The following SULT1E1 variants were observed in gnomAD, a reference collection of about 807,000 sequenced individuals.
SULT1E1 encodes the protein sulfotransferase family 1E member 1, also known as sulfotransferase 1E1.
In SULT1E1, 36 loss-of-function variants were observed where a neutral mutation model predicts 33.6. The ratio of observed to expected loss-of-function variants is 1.07; its 90% confidence interval spans 0.82 to 1.41. SULT1E1 has a LOEUF of 1.41. Among genes scored for constraint, SULT1E1 ranks in the 40% most tolerant of loss-of-function variants. SULT1E1 has a pLI of 0.00. For missense variants in SULT1E1, 371 were observed against 345.7 expected (o/e 1.07, Z -0.58); for synonymous variants, 121 against 111.7 (o/e 1.08, Z -0.53).
downstream of SULT1E1, chr4:69,838,535 T>A (rs1385781671): frequency 2.6e-5 from 4 of 152,212 alleles, no homozygotes; most frequent in African/African-American, 9.7e-5. Context: ...AGGTCTTTTA[T>A]GACGCTGTAC....
At chr4:69,849,788 C>T (rs764101720) in intron 4 of SULT1E1, among the ~76,000 whole-genome samples, 4 of 151,846 alleles carry the variant, frequency 2.6e-5, no homozygotes, top group African/African-American at 4.8e-5. Flanking sequence ...AACAGAACAA[C>T]ATTATTATGC....
Position 69,855,300 on chromosome 4 carries a change from C to T in SULT1E1, c.271+1G>A. The T allele has an allele frequency of 6.2e-7, 1 of 1,610,602 alleles. No individual in the cohort carries two copies. On this transcript the variant is annotated splice_donor_variant, in intron 3 of 7. Coordinates refer to ENST00000226444, the MANE Select transcript of SULT1E1 (RefSeq NM_005420.3). LOFTEE classifies it high-confidence loss of function. ...GTTTTTAAAATCAACTTGAACGTTA[C>T]CATTCATGAGGTTTTCTTTTCTGCA...
At chr4:69,822,794 C>G in the SULT1E1 span, among the ~76,000 whole-genome samples, 1 of 152,050 alleles carries the variant, frequency 6.6e-6, no homozygotes, top group Non-Finnish European at 1.5e-5. Flanking sequence ...TAGCTTTCCC[C>G]CTCGACCGTT....
At chr4:69,831,164 T>A in the SULT1E1 span, among the ~76,000 whole-genome samples, 1 of 152,144 alleles carries the variant, frequency 6.6e-6, no homozygotes, top group Non-Finnish European at 1.5e-5. Flanking sequence ...AAGCAGTTGG[T>A]CTTGGTAAAG....
At chr4:69,857,997 A>G (rs1721283276) in intron 1 of SULT1E1, among the ~76,000 whole-genome samples, 4 of 152,272 alleles carry the variant, frequency 2.6e-5, no homozygotes, top group African/African-American at 9.6e-5. Context: ...GGGGCATATA[A>G]AAAGACAAAG....
chr4:69,822,723 T>TTACATGG, the SULT1E1 span, among the ~76,000 whole-genome samples: 1 of 152,198 alleles, frequency 6.6e-6, no homozygotes, highest in African/African-American at 2.4e-5. Context: ...GGTCACTTAA[T>TTACATGG]TACATGGTTT....
At chr4:69,837,341 G>C (rs907487445), downstream of SULT1E1, among the ~76,000 whole-genome samples, 1 of 151,936 alleles carries the variant, frequency 6.6e-6, no homozygotes, top group South Asian at 2.1e-4. Context: ...CTGACACATA[G>C]CAATGATCAA....
downstream of SULT1E1, among the ~76,000 whole-genome samples, chr4:69,839,798 A>G (rs1312957813): frequency 6.6e-6 from 1 of 152,200 alleles, no homozygotes; most frequent in Non-Finnish European, 1.5e-5. Flanking sequence ...TGAAGTTTCT[A>G]CGTGAAATTG....
chr4:69,847,563 T>A (rs1204339976), intron 6 of SULT1E1, 135 bp downstream of exon 6: 6 of 504,748 alleles, frequency 1.2e-5, no homozygotes, highest in Non-Finnish European at 1.8e-5. Flanking sequence ...TCTGTATTAT[T>A]TTGGTCCTTT....
the SULT1E1 span, among the ~76,000 whole-genome samples, chr4:69,827,940 C>A: frequency 6.6e-6 from 1 of 152,158 alleles, no homozygotes; most frequent in African/African-American, 2.4e-5. Flanking sequence ...CTATGCCAAC[C>A]CCTCATTCAT....
At chr4:69,826,200 C>T in the SULT1E1 span, among the ~76,000 whole-genome samples, 1 of 152,102 alleles carries the variant, frequency 6.6e-6, no homozygotes, top group African/African-American at 2.4e-5. Flanking sequence ...AGGGTATGGC[C>T]CTCCACTTCA....
At chr4:69,826,510 G>A in the SULT1E1 span, among the ~76,000 whole-genome samples, 9 of 152,026 alleles carry the variant, frequency 5.9e-5, no homozygotes, top group Non-Finnish European at 7.4e-5. Context: ...GGACTGTTGC[G>A]GGTTCTTGGG....
At chr4:69,838,990 G>T (rs557958498), downstream of SULT1E1, among the ~76,000 whole-genome samples, 9 of 152,192 alleles carry the variant, frequency 5.9e-5, no homozygotes, top group East Asian at 1.7e-3. Context: ...TATCAACACG[G>T]ATGCTTGTTT....
chr4:69,837,863 CAT>C (rs1720819014), downstream of SULT1E1, among the ~76,000 whole-genome samples: 1 of 152,042 alleles, frequency 6.6e-6, no homozygotes, highest in South Asian at 2.1e-4. Flanking sequence ...GTATCATTAC[CAT>C]TACTAGGTGT....
chr4:69,841,806 C>G lies in SULT1E1; in HGVS notation c.*188G>C. Reference sequence around the variant, plus strand: ...CAATCAGCCATGATTGTGCCACTGTCCTCCAGCCTAGGCAACAGAGTGAGA... The same window carrying G: ...CAATCAGCCATGATTGTGCCACTGTGCTCCAGCCTAGGCAACAGAGTGAGA... On this transcript the variant is annotated 3_prime_UTR_variant, in exon 8 of 8. Transcript: ENST00000226444. The G allele has an allele frequency of 4.7e-6, 2 of 426,336 alleles. No individual in the cohort carries two copies. Among genetic ancestry groups the G allele is most frequent in the Non-Finnish European group, 8.2e-6 (2 of 242,962 alleles). 26.4% of individuals were successfully genotyped at this position (426,336 alleles called of 1,614,324 possible). A position where few individuals can be genotyped will look rare whatever the true frequency, so the allele number is the denominator to read the frequency against.
At chr4:69,859,754 C>T (rs1721326323) in intron 1 of SULT1E1, among the ~76,000 whole-genome samples, 1 of 152,062 alleles carries the variant, frequency 6.6e-6, no homozygotes. Flanking sequence ...TTTATTTTCT[C>T]ATTGGTAAAA....
chr4:69,842,388 C>T (rs1297097132), intron 7 of SULT1E1, among the ~76,000 whole-genome samples: 5 of 152,046 alleles, frequency 3.3e-5, no homozygotes, highest in Non-Finnish European at 7.4e-5. Context: ...GTTGGGGCTC[C>T]CAGGATAAGA....
intron 7 of SULT1E1, 139 bp downstream of exon 7, chr4:69,844,022 A>C (rs1387802519): frequency 1.8e-5 from 13 of 719,832 alleles, no homozygotes; most frequent in Non-Finnish European, 3.2e-5. Flanking sequence ...TAACTTAAAG[A>C]GTGTATTCAA....
At chr4:69,840,004 G>A (rs564262833), downstream of SULT1E1, among the ~76,000 whole-genome samples, 6 of 152,228 alleles carry the variant, frequency 3.9e-5, no homozygotes, top group South Asian at 1.2e-3. Context: ...ACATCACTAT[G>A]AATCTTACAA....
Sources: allele counts gnomAD v4.1 joint callset (sites outside exome capture counted in the v4.1 genomes callset), GRCh38; gene constraint gnomAD v4.1.1; transcripts MANE v1.5; gene names NCBI Gene and HGNC (gene_info 2026-07-23, HGNC 2026-07-21).